Variants in SLIT3 observed in about 807,000 individuals in gnomAD.
SLIT3 encodes slit homolog 3 protein.
Under a neutral mutation model 184.0 loss-of-function variants are expected in SLIT3, and 68 were observed. The ratio of observed to expected loss-of-function variants is 0.37; its 90% CI spans 0.30 to 0.45. SLIT3 has a LOEUF of 0.45. SLIT3 is among the 20% of genes least tolerant of loss of function. SLIT3 has a pLI of 1.00. For synonymous variants in SLIT3, 831 were observed against 828.6 expected (o/e 1.00, Z -0.05); for missense variants, 1,707 against 2,026.0 (o/e 0.84, Z 3.02).
At chr5:169,127,230 T>C (rs971487039) in intron 4 of SLIT3, among the ~76,000 whole-genome samples, 1 of 152,218 alleles carries the variant, frequency 6.6e-6, no homozygotes, top group Admixed American at 6.5e-5. Flanking sequence ...AATCAAGGGC[T>C]TTACTCTCCA....
chr5:168,956,929 T>A (rs1386565198), intron 4 of SLIT3, among the ~76,000 whole-genome samples: 1 of 141,482 alleles, frequency 7.1e-6, no homozygotes, highest in Non-Finnish European at 1.5e-5. Context: ...AATCTCAGCC[T>A]CCACATCCAC....
Position 168,961,858 on chromosome 5 carries a change from ATGTGTGTGTGTGTG to A in SLIT3, c.414-78536_414-78523del, listed in dbSNP as rs35895529. Among the ~76,000 whole-genome samples the A allele has an allele frequency of 5.4e-5, 8 of 148,516 alleles. No homozygotes were observed. In the East Asian group the frequency reaches 1.4e-3, roughly 26 times the overall value. On this transcript the variant is annotated intron_variant, in intron 4 of 35. Transcript: ENST00000519560. ...TACTATTTCAGGCATGCATGCACGC[ATGTGTGTGTGTGTG>A]TGTGTGTGTGTGTATGTGTGAAAGA... is the stretch of plus-strand genomic sequence containing the variant.
At chr5:168,947,468 T>C (rs193112476) in intron 4 of SLIT3, among the ~76,000 whole-genome samples, 1 of 152,036 alleles carries the variant, frequency 6.6e-6, no homozygotes, top group African/African-American at 2.4e-5. Flanking sequence ...AGTGCAGAGA[T>C]GTTGCATGGG....
At chr5:168,922,567 A>T (rs1300025573) in intron 4 of SLIT3, among the ~76,000 whole-genome samples, 1 of 151,954 alleles carries the variant, frequency 6.6e-6, no homozygotes, top group Non-Finnish European at 1.5e-5. Flanking sequence ...AAGATTAAGG[A>T]GTCTGCAAGG....
intron 5 of SLIT3, among the ~76,000 whole-genome samples, chr5:168,851,265 G>C (rs1259615699): frequency 6.7e-6 from 1 of 149,458 alleles, no homozygotes; most frequent in Non-Finnish European, 1.5e-5. Context: ...GGAGCTTGCT[G>C]TGAGCAGAGA....
Position 168,883,318 on chromosome 5 carries a change from C to A in SLIT3, c.432G>T (p.Gln144His). The change falls in exon 5 of 36, where the codon CAG (glutamine) becomes CAT (histidine). Residue 144 changes from glutamine to histidine, a missense_variant. Gln to His is a conservative substitution (Grantham distance 24). Coordinates refer to ENST00000519560, the MANE Select transcript of SLIT3 (RefSeq NM_003062.4). ...ACGCCTTCCTCGGGATCCCCTGGAT[C>A]TGGTTTTCACTCAAATCTCTAAACA... The part of the protein sequence containing the change: ...KLTRLDLSEN[Q>H]IQGIPRKAFR... The A allele has an allele frequency of 6.2e-7, 1 of 1,613,946 alleles. No individual in the cohort carries two copies. The highest frequency in any genetic ancestry group is 2.2e-5 in the East Asian group (1 of 44,862).
chr5:168,770,896 C>T (rs1298695), intron 14 of SLIT3, among the ~76,000 whole-genome samples: 3 of 151,862 alleles, frequency 2.0e-5, no homozygotes, highest in Admixed American at 1.3e-4. Flanking sequence ...CCCACCCCCA[C>T]CTTGCCACCC....
chr5:168,943,666 T>G (rs886184667), intron 4 of SLIT3, among the ~76,000 whole-genome samples: 1 of 152,248 alleles, frequency 6.6e-6, no homozygotes, highest in Non-Finnish European at 1.5e-5. Context: ...GGAAGCATTA[T>G]GCAAGTGCAA....
At chr5:169,168,180 G>A (rs368486969) in intron 4 of SLIT3, among the ~76,000 whole-genome samples, 66 of 152,286 alleles carry the variant, frequency 4.3e-4, no homozygotes, top group Middle Eastern at 3.4e-3. Context: ...CTAAGCACGG[G>A]TCAGCCCCTT....
At chr5:168,755,170 G>A (rs1754848649) in intron 16 of SLIT3, among the ~76,000 whole-genome samples, 1 of 152,126 alleles carries the variant, frequency 6.6e-6, no homozygotes. Context: ...TGGGACTGAG[G>A]TTCACAGAGA....
At chr5:168,850,580 T>C (rs980025725) in intron 5 of SLIT3, among the ~76,000 whole-genome samples, 1 of 152,224 alleles carries the variant, frequency 6.6e-6, no homozygotes, top group Admixed American at 6.5e-5. Flanking sequence ...TCCAAAGACT[T>C]CAACCAACCA....
intron 4 of SLIT3, among the ~76,000 whole-genome samples, chr5:169,005,829 C>T (rs572090059): frequency 5.3e-5 from 8 of 152,316 alleles, no homozygotes; most frequent in East Asian, 3.9e-4. Context: ...CTGGGGGAAA[C>T]GCAGCGCAAA....
intron 4 of SLIT3, among the ~76,000 whole-genome samples, chr5:169,106,158 C>G (rs1402186210): frequency 6.6e-6 from 1 of 152,124 alleles, no homozygotes; most frequent in East Asian, 1.9e-4. Flanking sequence ...CACATGTTTA[C>G]CTGTGTAACA....
chr5:168,798,438 A>T (rs1756653115), intron 9 of SLIT3, among the ~76,000 whole-genome samples: 1 of 152,016 alleles, frequency 6.6e-6, no homozygotes, highest in Admixed American at 6.5e-5. Flanking sequence ...TATGTTGGCC[A>T]GGCTTATCTC....
intron 9 of SLIT3, among the ~76,000 whole-genome samples, chr5:168,797,540 C>G: frequency 6.6e-6 from 1 of 152,176 alleles, no homozygotes; most frequent in Admixed American, 6.5e-5. Flanking sequence ...TAATCAATTA[C>G]CCTCCATCTT....
At chr5:168,967,363 A>G (rs1256261408) in intron 4 of SLIT3, among the ~76,000 whole-genome samples, 6 of 150,930 alleles carry the variant, frequency 4.0e-5, no homozygotes, top group Non-Finnish European at 8.8e-5. Context: ...TAACTTCTCT[A>G]CAGTAAATAT....
At position 168,685,805 on chromosome 5, in the gene SLIT3, G is replaced by A. The variant is rs1176748511; in HGVS notation, c.3437C>T (p.Pro1146Leu). Reference sequence around the variant, plus strand: ...GCATCTGGGGCCGGCGAAGCCTGGTGGGCAGCGGCAGGTGGGCTCCTGCTG... The same window carrying A: ...GCATCTGGGGCCGGCGAAGCCTGGTAGGCAGCGGCAGGTGGGCTCCTGCTG... ...VVQQEPTCRC[P>L]PGFAGPRCEK... is the part of the protein sequence containing the mutation. Residue 1146 changes from proline to leucine, a missense_variant, in exon 31 of 36, where the codon CCA becomes CTA. Physicochemically the swap from Pro to Leu is moderately conservative, Grantham distance 98 (BLOSUM62 -3). Transcript: ENST00000519560. 5 of 1,613,886 alleles carry A rather than the reference G, an allele frequency of 3.1e-6. No homozygotes were observed. Among genetic ancestry groups the A allele is most frequent in the Non-Finnish European group, 4.2e-6 (5 of 1,179,982 alleles).
At chr5:169,255,599 G>A (rs1422973152) in intron 1 of SLIT3, among the ~76,000 whole-genome samples, 1 of 152,182 alleles carries the variant, frequency 6.6e-6, no homozygotes, top group East Asian at 1.9e-4. Flanking sequence ...AAGTTAAAAA[G>A]TTGGCAGGGC....
intron 4 of SLIT3, among the ~76,000 whole-genome samples, chr5:169,190,148 G>A (rs1426899045): frequency 6.6e-6 from 1 of 152,146 alleles, no homozygotes; most frequent in African/African-American, 2.4e-5. Context: ...GCTGGGACAT[G>A]GGCATATATG....
Sources: gnomAD v4.1 joint callset for allele counts (sites outside exome capture counted in the v4.1 genomes callset) on GRCh38, gnomAD v4.1.1 for gene constraint, MANE v1.5 for transcripts, NCBI Gene and HGNC (gene_info 2026-07-23, HGNC 2026-07-21) for gene names.